Variants in ACSM1 observed in about 807,000 individuals in gnomAD.
The protein encoded by ACSM1 is acyl-CoA synthetase medium chain family member 1.
ACSM1 carries 79 observed loss-of-function variants against 75.8 expected under a neutral mutation model. The observed-to-expected ratio is 1.04, with a 90% CI of 0.87 to 1.26. The LOEUF is 1.26. ACSM1 is among the 50% of genes most tolerant of loss of function. The pLI, the probability that ACSM1 is intolerant of heterozygous loss-of-function variation, is 0.00. For missense variants in ACSM1, 676 were observed against 720.1 expected (o/e 0.94, Z 0.70); for synonymous variants, 279 against 265.8 (o/e 1.05, Z -0.48).
intron 4 of ACSM1, among the ~76,000 whole-genome samples, chr16:20,675,087 G>T (rs530462495): frequency 1.3e-5 from 2 of 152,196 alleles, no homozygotes; most frequent in African/African-American, 2.4e-5. Flanking sequence ...AACTGGGAGT[G>T]TGTGGGTGTG....
At chr16:20,673,427 G>C (rs1462669255) in intron 4 of ACSM1, among the ~76,000 whole-genome samples, 1 of 152,148 alleles carries the variant, frequency 6.6e-6, no homozygotes, top group African/African-American at 2.4e-5. Flanking sequence ...TCTGACATTA[G>C]ACTACAGCAT....
chr16:20,657,101 A>G (rs938285860), intron 7 of ACSM1, among the ~76,000 whole-genome samples: 1 of 152,288 alleles, frequency 6.6e-6, no homozygotes, highest in African/African-American at 2.4e-5. Context: ...TTGTGAAGAT[A>G]AATATGTCTA....
chr16:20,688,701 G>C (rs2079598452), intron 2 of ACSM1, among the ~76,000 whole-genome samples: 1 of 151,888 alleles, frequency 6.6e-6, no homozygotes, highest in African/African-American at 2.4e-5. Flanking sequence ...GGGGAAATTA[G>C]GGTATTCCCA....
At chr16:20,627,654 C>T (rs2017033000) in intron 10 of ACSM1, among the ~76,000 whole-genome samples, 1 of 151,822 alleles carries the variant, frequency 6.6e-6, no homozygotes, top group Admixed American at 6.6e-5. Context: ...CATAGTGAAA[C>T]CCCATCTCTA....
intron 4 of ACSM1, among the ~76,000 whole-genome samples, chr16:20,676,503 G>C (rs1175722613): frequency 6.6e-6 from 1 of 152,194 alleles, no homozygotes; most frequent in African/African-American, 2.4e-5. Flanking sequence ...GCAGGCCCAA[G>C]GAGATATCAG....
intron 4 of ACSM1, among the ~76,000 whole-genome samples, chr16:20,675,199 G>T (rs2020198560): frequency 6.6e-6 from 1 of 152,102 alleles, no homozygotes; most frequent in Non-Finnish European, 1.5e-5. Flanking sequence ...ATCTAACTAG[G>T]CTCACCCGGG....
intron 4 of ACSM1, 42 bp downstream of exon 4, chr16:20,682,214 C>T: frequency 5.0e-6 from 8 of 1,589,168 alleles, no homozygotes; most frequent in Non-Finnish European, 6.9e-6. Flanking sequence ...TATCCCACAA[C>T]AACTGTACTC....
intron 9 of ACSM1, 74 bp downstream of exon 9, chr16:20,637,297 T>G (rs1596808870): frequency 8.4e-7 from 1 of 1,184,556 alleles, no homozygotes; most frequent in South Asian, 1.2e-5. Flanking sequence ...GCGGCTGGTG[T>G]TGTCACCTGG....
intron 7 of ACSM1, among the ~76,000 whole-genome samples, chr16:20,646,173 G>A (rs1316601176): frequency 1.3e-5 from 2 of 152,138 alleles, no homozygotes; most frequent in Non-Finnish European, 2.9e-5. Flanking sequence ...GTGAACTTTG[G>A]AGGCTCTGAA....
chr16:20,657,008 A>G (rs1421478613), intron 7 of ACSM1, among the ~76,000 whole-genome samples: 2 of 152,132 alleles, frequency 1.3e-5, no homozygotes, highest in Admixed American at 6.5e-5. Context: ...TGCTTCCTAT[A>G]AAATTAAAAA....
intron 7 of ACSM1, among the ~76,000 whole-genome samples, chr16:20,650,979 AT>A (rs2018613438): frequency 6.6e-6 from 1 of 152,130 alleles, no homozygotes; most frequent in South Asian, 2.1e-4. Context: ...AGTTGTATTT[AT>A]CCCATGGCTA....
chr16:20,693,355 C>T (rs2079673127), intron 1 of ACSM1, among the ~76,000 whole-genome samples: 1 of 152,146 alleles, frequency 6.6e-6, no homozygotes, highest in Admixed American at 6.5e-5. Context: ...ATGCTGCCAA[C>T]ATGACAGCAG....
intron 6 of ACSM1, 44 bp from the exon 7 acceptor site, chr16:20,661,917 T>C (rs773751250): frequency 4.4e-5 from 60 of 1,354,444 alleles, no homozygotes; most frequent in Non-Finnish European, 6.1e-5. Flanking sequence ...ACAGTTAAGG[T>C]TAAACTAACA....
chr16:20,645,889 GA>G (rs1306056673), intron 7 of ACSM1, among the ~76,000 whole-genome samples: 1 of 152,152 alleles, frequency 6.6e-6, no homozygotes, highest in Non-Finnish European at 1.5e-5. Flanking sequence ...TGCTCTTCTG[GA>G]GAGACAAAGG....
At chr16:20,646,449 G>A (rs1035401202) in intron 7 of ACSM1, among the ~76,000 whole-genome samples, 1 of 152,126 alleles carries the variant, frequency 6.6e-6, no homozygotes, top group African/African-American at 2.4e-5. Context: ...AGGTATGCTT[G>A]ACCATTGAGG....
At chr16:20,683,754 G>A (rs1232019736) in intron 3 of ACSM1, among the ~76,000 whole-genome samples, 1 of 97,602 alleles carries the variant, frequency 1.0e-5, no homozygotes, top group Non-Finnish European at 2.3e-5. Flanking sequence ...TATTTTAGTA[G>A]AGATGGGGTT....
intron 7 of ACSM1, among the ~76,000 whole-genome samples, chr16:20,646,214 A>T (rs748520407): frequency 6.6e-6 from 1 of 152,210 alleles, no homozygotes; most frequent in Non-Finnish European, 1.5e-5. Flanking sequence ...TCAAATGCCT[A>T]ATAGGGCCTG....
chr16:20,632,706 G>T (rs1208501176), intron 10 of ACSM1, among the ~76,000 whole-genome samples: 2 of 152,166 alleles, frequency 1.3e-5, no homozygotes, highest in Non-Finnish European at 2.9e-5. Flanking sequence ...GCATTACCCT[G>T]ACACCAAAGC....
At chr16:20,636,716 G>T (rs748430793) in intron 10 of ACSM1, 23 bp downstream of exon 10, 1 of 1,581,672 alleles carries the variant, frequency 6.3e-7, no homozygotes, top group Non-Finnish European at 8.7e-7. Context: ...GGGCCAGGAT[G>T]GGGGCAGATG....
Sources: allele counts gnomAD v4.1 joint callset (sites outside exome capture counted in the v4.1 genomes callset), GRCh38; gene constraint gnomAD v4.1.1; transcripts MANE v1.5; gene names NCBI Gene and HGNC (gene_info 2026-07-23, HGNC 2026-07-21).